Variants in BRCA2 observed in about 807,000 individuals in gnomAD.
The protein encoded by BRCA2 is breast cancer type 2 susceptibility protein.
BRCA2 carries 203 observed loss-of-function variants against 276.7 expected under a neutral mutation model. That is an observed-to-expected ratio of 0.73 (90% CI 0.65 to 0.82). BRCA2 has a LOEUF of 0.82. BRCA2 is among the 40% of genes least tolerant of loss of function. BRCA2 has a pLI of 0.00. For missense variants in BRCA2, 3,920 were observed against 3,915.0 expected, an observed-to-expected ratio of 1.00 and a Z score of -0.03; for synonymous variants, 1,289 against 1,338.4, an observed-to-expected ratio of 0.96 and a Z score of 0.81.
chr13:32,317,215 C>CA (rs912539611), intron 2 of BRCA2, among the ~76,000 whole-genome samples: 1 of 151,926 alleles, frequency 6.6e-6, no homozygotes, highest in African/African-American at 2.4e-5. Context: ...AACAAACAAA[C>CA]AAAAAACTAA....
intron 3 of BRCA2, among the ~76,000 whole-genome samples, chr13:32,322,103 A>G (rs1012750819): frequency 2.0e-5 from 3 of 152,176 alleles, no homozygotes; most frequent in African/African-American, 7.2e-5. Context: ...CATTATACAG[A>G]ATAATTTTGC....
chr13:32,337,874 T>G lies in BRCA2; in HGVS notation c.3519T>G (p.Ile1173Met), dbSNP rs1555283271. The part of the protein sequence containing the change: ...DLHVIMNAPS[I>M]GQVDSSKQFE... ...ATGTCATAATGAATGCCCCATCGAT[T>G]GGTCAGGTAGACAGCAGCAAGCAAT... is the stretch of plus-strand genomic sequence containing the variant. Residue 1173 changes from isoleucine to methionine, a missense_variant, in exon 11 of 27, where the codon ATT (isoleucine) becomes ATG (methionine). By Grantham distance (10) the Ile-to-Met change is conservative (BLOSUM62 1). Around this residue, in one of 2 missense-constraint regions of BRCA2, gnomAD observed 3,263 missense variants for 3,156.9 expected, o/e 1.03. Transcript: ENST00000380152. 1 of 1,614,106 alleles carries G rather than the reference T, an allele frequency of 6.2e-7. No individual in the cohort carries two copies. Among genetic ancestry groups the G allele is most frequent in the South Asian group, 1.1e-5 (1 of 91,084 alleles).
chr13:32,376,518 T>C (rs1256846461), intron 20 of BRCA2, 152 bp from the exon 21 acceptor site: 2 of 795,782 alleles, frequency 2.5e-6, no homozygotes, highest in Non-Finnish European at 3.9e-6. Flanking sequence ...TGAGACCCTG[T>C]CTCAAAAAAA....
chr13:32,395,863 C>A (rs2073031892), intron 25 of BRCA2: 1 of 174,772 alleles, frequency 5.7e-6, no homozygotes, highest in Non-Finnish European at 1.2e-5. Flanking sequence ...TCTGCTATAT[C>A]TAGTTTCTAA....
At position 32,398,868 on chromosome 13, in the gene BRCA2, C is replaced by T. The variant is rs2137668858; in HGVS notation, c.*98C>T. On this transcript the variant is annotated 3_prime_UTR_variant, in exon 27 of 27. Transcript: ENST00000380152. ...ACCACACATTAGTACTTATGTTGCA[C>T]AATGAGAAAAGAAATTAGTTTCAAA... 7.0e-7 allele frequency: 1 copy of T among 1,429,080 alleles called. No individual in the cohort carries two copies. Among genetic ancestry groups the T allele is most frequent in the Non-Finnish European group, 9.4e-7 (1 of 1,067,078 alleles). 88.5% of individuals were successfully genotyped at this position (1,429,080 alleles called of 1,614,324 possible). A position where few individuals can be genotyped will look rare whatever the true frequency, so the allele number is the denominator to read the frequency against.
At chr13:32,320,044 G>C (rs755909722) in intron 3 of BRCA2, among the ~76,000 whole-genome samples, 111 of 152,218 alleles carry the variant, frequency 7.3e-4, no homozygotes, top group Admixed American at 7.3e-3. Context: ...ATGTGGTAGA[G>C]TGATAATGTT....
intron 24 of BRCA2, 106 bp from the exon 25 acceptor site, chr13:32,394,583 T>C (rs1449434656): frequency 7.4e-6 from 10 of 1,354,278 alleles, no homozygotes; most frequent in African/African-American, 1.5e-5. Flanking sequence ...GCTTTTATTA[T>C]TAGCATATAC....
At chr13:32,382,052 T>C (rs1417127429) in intron 24 of BRCA2, among the ~76,000 whole-genome samples, 1 of 152,222 alleles carries the variant, frequency 6.6e-6, no homozygotes, top group Admixed American at 6.5e-5. Flanking sequence ...AAATGTCTAC[T>C]TGATGGTTAC....
In BRCA2 at chr13:32,335,744, C is replaced by A. The variant is rs556019160; in HGVS notation, c.1910-521C>A. ...GAGTTGGTAACTATTATTAAAAAAA[C>A]AACTTAGGTCTAATTTATCTTGAGC... On this transcript the variant is annotated intron_variant, in intron 10 of 26. Transcript: ENST00000380152. Among the ~76,000 whole-genome samples the A allele has an allele frequency of 3.8e-3, 585 of 151,992 alleles. 7 individuals carry two copies. Among genetic ancestry groups the A allele is most frequent in the African/African-American group, 0.012 (500 of 41,454 alleles).
At chr13:32,346,970 T>G in intron 13 of BRCA2, 74 bp downstream of exon 13, 1 of 1,165,936 alleles carries the variant, frequency 8.6e-7, no homozygotes, top group Non-Finnish European at 1.2e-6. Context: ...TGAACATTTC[T>G]AAAAATAATG....
In BRCA2 at chr13:32,398,853, AG is replaced by A. The variant is rs2073059456; in HGVS notation, c.*84del. 2.0e-6 allele frequency: 3 copies of A among 1,506,402 alleles called. 1 individual carries two copies. In the South Asian group the frequency reaches 3.7e-5, roughly 18 times the overall value. The allele number at this position is 1,506,402 out of a possible 1,614,324, so 93.3% of individuals were successfully genotyped here. On this transcript the variant is annotated 3_prime_UTR_variant, in exon 27 of 27. Coordinates refer to ENST00000380152, the MANE Select transcript of BRCA2 (RefSeq NM_000059.4). ...GGAATATAATTTCAAACCACACATT[AG>A]TACTTATGTTGCACAATGAGAAAAG...
intron 4 of BRCA2, among the ~76,000 whole-genome samples, chr13:32,325,590 T>G (rs1355816237): frequency 9.9e-5 from 15 of 150,822 alleles, no homozygotes; most frequent in African/African-American, 1.7e-4. Flanking sequence ...ACCCAGGCTG[T>G]AGTGCAGTGG....
intron 12 of BRCA2, among the ~76,000 whole-genome samples, chr13:32,344,879 T>C (rs1309444882): frequency 6.6e-6 from 1 of 152,142 alleles, no homozygotes; most frequent in Non-Finnish European, 1.5e-5. Context: ...AAATGTAAAT[T>C]GATTAATGTT....
chr13:32,341,846 C>T (rs931100397), intron 11 of BRCA2, among the ~76,000 whole-genome samples: 10 of 148,000 alleles, frequency 6.8e-5, no homozygotes, highest in Non-Finnish European at 1.0e-4. Flanking sequence ...CCAGCCTGGG[C>T]GACAGAGCGA....
chr13:32,362,414 CTT>C (rs2072743194), intron 16 of BRCA2, 107 bp from the exon 17 acceptor site: 1 of 1,080,416 alleles, frequency 9.3e-7, no homozygotes, highest in Admixed American at 2.2e-5. Flanking sequence ...CTCATAAAAA[CTT>C]AATGATCTTG....
Position 32,337,876 on chromosome 13 carries a change from G to A in BRCA2, c.3521G>A (p.Gly1174Asp), listed in dbSNP as rs1555283272. ...GTCATAATGAATGCCCCATCGATTG[G>A]TCAGGTAGACAGCAGCAAGCAATTT... is the stretch of plus-strand genomic sequence containing the variant. ...LHVIMNAPSIGQVDSSKQFEG... is the reference protein window; with the variant it reads ...LHVIMNAPSIDQVDSSKQFEG... Residue 1174 changes from glycine (G) to aspartate (D), a missense_variant, in exon 11 of 27, where the codon GGT becomes GAT. Around this residue, in one of 2 missense-constraint regions of BRCA2, gnomAD observed 3,263 missense variants for 3,156.9 expected, o/e 1.03. Transcript: ENST00000380152. 1.9e-6 allele frequency: 3 copies of A among 1,614,088 alleles called. No homozygotes were observed. Among genetic ancestry groups the A allele is most frequent in the Non-Finnish European group, 2.5e-6 (3 of 1,179,974 alleles).
In BRCA2 at chr13:32,362,534, A is replaced by G. The variant is rs1181739374; in HGVS notation, c.7817A>G (p.Asp2606Gly). The change falls in exon 17 of 27, where the codon GAC (aspartate) becomes GGC (glycine). Residue 2606 changes from aspartate (D) to glycine (G), a missense_variant. Physicochemically the swap from Asp to Gly is moderately conservative, Grantham distance 94 (BLOSUM62 -1). Transcript: ENST00000380152. ...GKEEFYRALC[D>G]TPGVDPKLIS... ...TTTTATTTGTTCAGGGCTCTGTGTG[A>G]CACTCCAGGTGTGGATCCAAAGCTT... The G allele has an allele frequency of 6.2e-7, 1 of 1,613,818 alleles. No individual in the cohort carries two copies. Among genetic ancestry groups the G allele is most frequent in the South Asian group, 1.1e-5 (1 of 91,072 alleles).
chr13:32,350,762 A>C (rs1593915338), intron 13 of BRCA2, among the ~76,000 whole-genome samples: 2 of 152,182 alleles, frequency 1.3e-5, no homozygotes, highest in East Asian at 1.9e-4. Context: ...CAAAAAAAAA[A>C]CAACAAAATA....
intron 2 of BRCA2, among the ~76,000 whole-genome samples, chr13:32,317,594 T>G (rs1046589016): frequency 2.6e-5 from 4 of 152,282 alleles, no homozygotes; most frequent in Non-Finnish European, 5.9e-5. Context: ...GATAGTGGTG[T>G]TCTGAATTAT....
Sources: gnomAD v4.1 joint callset for allele counts (sites outside exome capture counted in the v4.1 genomes callset) on GRCh38, gnomAD v4.1.1 for gene constraint, gnomAD v4.1.1 regional missense constraint, MANE v1.5 for transcripts, NCBI Gene and HGNC (gene_info 2026-07-23, HGNC 2026-07-21) for gene names.